GOLGA4: variants seen among roughly 807,000 people sequenced by gnomAD.
The protein encoded by GOLGA4 is golgin subfamily A member 4.
A neutral mutation model predicts 265.9 loss-of-function variants in GOLGA4; 169 were observed. That is an observed-to-expected ratio of 0.64 (90% CI 0.56 to 0.72). The LOEUF is 0.72. GOLGA4 is among the 30% of genes least tolerant of loss of function. The pLI is 0.00. For missense variants in GOLGA4, 2,482 were observed against 2,483.4 expected (o/e 1.00, Z 0.01); for synonymous variants, 923 against 855.8 (o/e 1.08, Z -1.37).
intron 2 of GOLGA4, among the ~76,000 whole-genome samples, chr3:37,263,176 G>A (rs1327075340): frequency 6.6e-6 from 1 of 152,144 alleles, no homozygotes; most frequent in Non-Finnish European, 1.5e-5. Flanking sequence ...AGCCACCTAC[G>A]ATGTTCAGTA....
Position 37,327,617 on chromosome 3 carries a change from C to T in GOLGA4, c.5731C>T (p.His1911Tyr), listed in dbSNP as rs2096976071. 5 of 1,613,058 alleles carry T rather than the reference C, an allele frequency of 3.1e-6. No individual in the cohort carries two copies. Among genetic ancestry groups the T allele is most frequent in the Non-Finnish European group, 4.2e-6 (5 of 1,179,224 alleles). The stretch of plus-strand genomic sequence containing the variant: ...AAACACTGAAGAAAAGTCCAAATCA[C>T]ATTTGGTCCAACCCAAATTGCTTAG... Reference protein sequence around the residue: ...EENTEEKSKSHLVQPKLLSNM... With the variant: ...EENTEEKSKSYLVQPKLLSNM... The change falls in exon 14 of 24, where the codon CAT (histidine) becomes TAT (tyrosine). Residue 1911 changes from histidine to tyrosine, a missense_variant. His to Tyr is a moderately conservative substitution (Grantham distance 83, BLOSUM62 2). Around this residue, in one of 3 missense-constraint regions of GOLGA4, gnomAD observed 942 missense variants for 983.1 expected, o/e 0.96. Transcript: ENST00000361924.
intron 10 of GOLGA4, among the ~76,000 whole-genome samples, chr3:37,303,189 G>A (rs1158184178): frequency 6.6e-6 from 1 of 152,236 alleles, no homozygotes; most frequent in African/African-American, 2.4e-5. Flanking sequence ...AGGTAGCTGA[G>A]TTTAGACTTT....
At chr3:37,302,458 C>A in intron 10 of GOLGA4, 126 bp downstream of exon 10, 1 of 801,474 alleles carries the variant, frequency 1.2e-6, no homozygotes, top group Non-Finnish European at 1.9e-6. Flanking sequence ...CCTAATAAGA[C>A]ACCCATCTGC....
intron 2 of GOLGA4, among the ~76,000 whole-genome samples, chr3:37,255,916 CCAAACAAA>C (rs372815459): frequency 5.9e-5 from 9 of 151,674 alleles, no homozygotes; most frequent in South Asian, 2.1e-4. Context: ...CCGCACAGGG[CCAAACAAA>C]CAAACAAACA....
chr3:37,284,673 T>C (rs1268979309), intron 3 of GOLGA4, among the ~76,000 whole-genome samples: 1 of 151,668 alleles, frequency 6.6e-6, no homozygotes, highest in Non-Finnish European at 1.5e-5. Context: ...GCTTTTTTTT[T>C]TTTTTTTTGA....
chr3:37,301,761 T>G (rs1018466471), intron 9 of GOLGA4, among the ~76,000 whole-genome samples: 3 of 152,112 alleles, frequency 2.0e-5, no homozygotes, highest in Non-Finnish European at 4.4e-5. Flanking sequence ...GAAATATCAT[T>G]TTTTCTGCCT....
At chr3:37,339,851 C>G (rs531351708) in intron 19 of GOLGA4, among the ~76,000 whole-genome samples, 2 of 152,204 alleles carry the variant, frequency 1.3e-5, no homozygotes, top group Admixed American at 6.5e-5. Flanking sequence ...TTGATAGTGT[C>G]TGTTGATGTA....
intron 12 of GOLGA4, chr3:37,319,874 A>G (rs2096949917): frequency 6.6e-6 from 1 of 152,206 alleles, no homozygotes; most frequent in Admixed American, 6.5e-5. Flanking sequence ...TTAGGGACAA[A>G]AAAAGGAAAA....
chr3:37,296,673 C>T (rs752214004), intron 7 of GOLGA4, among the ~76,000 whole-genome samples: 6 of 152,084 alleles, frequency 3.9e-5, no homozygotes, highest in African/African-American at 1.4e-4. Context: ...TGGGTTCAAG[C>T]GATTCTCCTG....
intron 2 of GOLGA4, among the ~76,000 whole-genome samples, chr3:37,280,707 A>G (rs1203724099): frequency 1.3e-5 from 2 of 152,236 alleles, no homozygotes; most frequent in Non-Finnish European, 2.9e-5. Flanking sequence ...AATACTTTAT[A>G]GACCAGGACA....
intron 5 of GOLGA4, among the ~76,000 whole-genome samples, chr3:37,293,201 G>A (rs929335479): frequency 2.0e-5 from 3 of 152,194 alleles, no homozygotes; most frequent in African/African-American, 2.4e-5. Context: ...TCACAAGCTT[G>A]TCTAACCTGC....
At chr3:37,254,905 A>G in intron 2 of GOLGA4, among the ~76,000 whole-genome samples, 1 of 148,098 alleles carries the variant, frequency 6.8e-6, no homozygotes, top group Non-Finnish European at 1.5e-5. Flanking sequence ...TAGCTTATAT[A>G]TTATATATAT....
Position 37,324,634 on chromosome 3 carries a change from G to T in GOLGA4, c.2748G>T (p.Met916Ile). ...LVEKENMILQMREGQKKEIEI... is the reference protein window; with the variant it reads ...LVEKENMILQIREGQKKEIEI... ...AAAAGGAAAATATGATTTTACAAAT[G>T]AGAGAAGGACAGAAGAAAGAAATTG... Residue 916 changes from methionine (M) to isoleucine (I), a missense_variant, in exon 14 of 24, where the codon ATG becomes ATT. Physicochemically the swap from Met to Ile is conservative, Grantham distance 10. Around this residue, in one of 3 missense-constraint regions of GOLGA4, gnomAD observed 1,536 missense variants for 1,483.7 expected, o/e 1.04. Transcript: ENST00000361924. The T allele has an allele frequency of 6.2e-7, 1 of 1,612,552 alleles. No homozygotes were observed. Among genetic ancestry groups the T allele is most frequent in the Non-Finnish European group, 8.5e-7 (1 of 1,179,104 alleles).
Position 37,324,698 on chromosome 3 carries a change from A to G in GOLGA4, c.2812A>G (p.Ile938Val). The change falls in exon 14 of 24, where the codon ATT becomes GTT. Residue 938 changes from isoleucine (I) to valine (V), a missense_variant. This residue lies in a region of GOLGA4 where 1,536 missense variants were observed against 1,483.7 expected (regional missense o/e 1.04). Coordinates refer to ENST00000361924, the MANE Select transcript of GOLGA4 (RefSeq NM_002078.5). Reference protein sequence around the residue: ...TQKLSAKEDSIHILNEEYETK... With the variant: ...TQKLSAKEDSVHILNEEYETK... ...GAAATTGTCAGCCAAGGAGGACAGT[A>G]TTCATATTTTGAATGAGGAATATGA... 6.2e-7 allele frequency: 1 copy of G among 1,603,804 alleles called. No individual in the cohort carries two copies. Among genetic ancestry groups the G allele is most frequent in the Non-Finnish European group, 8.5e-7 (1 of 1,177,086 alleles).
At chr3:37,318,635 A>G (rs929433091) in intron 11 of GOLGA4, among the ~76,000 whole-genome samples, 1 of 152,014 alleles carries the variant, frequency 6.6e-6, no homozygotes, top group African/African-American at 2.4e-5. Context: ...GAGGTTTCCT[A>G]TCCAAAAAAA....
Position 37,325,776 on chromosome 3 carries a change from A to C in GOLGA4, c.3890A>C (p.His1297Pro). ...AATATTTCTTTTCAACAGGCTACTC[A>C]TCAGTTAGAAGAAAAAGAAAATCAA... is the stretch of plus-strand genomic sequence containing the variant. Reference protein sequence around the residue: ...TLNISFQQATHQLEEKENQIK... With the variant: ...TLNISFQQATPQLEEKENQIK... Residue 1297 changes from histidine to proline, a missense_variant, in exon 14 of 24, where the codon CAT (histidine) becomes CCT (proline). This residue lies in a region of GOLGA4 where 1,536 missense variants were observed against 1,483.7 expected (regional missense o/e 1.04). Transcript: ENST00000361924. 6.2e-7 allele frequency: 1 copy of C among 1,613,440 alleles called. No individual in the cohort carries two copies. The highest frequency in any genetic ancestry group is 8.5e-7 in the Non-Finnish European group (1 of 1,179,558).
chr3:37,321,521 A>AT (rs2096954700), intron 12 of GOLGA4: 1 of 455,244 alleles, frequency 2.2e-6, no homozygotes, highest in African/African-American at 2.0e-5. Context: ...AAAATTTTTC[A>AT]TATCAGTAGT....
chr3:37,359,452 C>G (rs1034725487), intron 22 of GOLGA4, among the ~76,000 whole-genome samples: 1 of 152,098 alleles, frequency 6.6e-6, no homozygotes, highest in African/African-American at 2.4e-5. Context: ...ACATTTTTCT[C>G]TTTAGAGTGC....
At chr3:37,343,602 C>T (rs1480523576) in intron 20 of GOLGA4, among the ~76,000 whole-genome samples, 1 of 152,176 alleles carries the variant, frequency 6.6e-6, no homozygotes, top group African/African-American at 2.4e-5. Context: ...TTTTGAACTC[C>T]AGGTCCTTCT....
Sources: gnomAD v4.1 joint callset for allele counts (sites outside exome capture counted in the v4.1 genomes callset) on GRCh38, gnomAD v4.1.1 for gene constraint, gnomAD v4.1.1 regional missense constraint, MANE v1.5 for transcripts, NCBI Gene and HGNC (gene_info 2026-07-23, HGNC 2026-07-21) for gene names.